The following FRMD4A variants were observed in gnomAD, a reference collection of about 807,000 sequenced individuals.
FRMD4A encodes FERM domain containing 4A.
In FRMD4A, 29 loss-of-function variants were observed where a neutral mutation model predicts 129.1. The observed-to-expected ratio is 0.22, with a 90% confidence interval of 0.17 to 0.31. The LOEUF (loss-of-function observed/expected upper bound fraction) is 0.31. Among genes scored for constraint, FRMD4A ranks in the 10% least tolerant of loss-of-function variants. FRMD4A has a pLI of 1.00. For missense variants in FRMD4A, 1,272 were observed against 1,375.8 expected, an observed-to-expected ratio of 0.92 and a Z score of 1.19; for synonymous variants, 634 against 571.6, an observed-to-expected ratio of 1.11 and a Z score of -1.56.
intron 2 of FRMD4A, among the ~76,000 whole-genome samples, chr10:14,140,796 C>T (rs568616109): frequency 6.6e-6 from 1 of 152,258 alleles, no homozygotes; most frequent in South Asian, 2.1e-4. Context: ...CTTTGCTCCA[C>T]TCAACATTTT....
At chr10:14,060,935 A>G (rs1057149844) in intron 2 of FRMD4A, among the ~76,000 whole-genome samples, 2 of 152,196 alleles carry the variant, frequency 1.3e-5, no homozygotes, top group African/African-American at 4.8e-5. Context: ...AGACTGACTC[A>G]CTAGTGGAAA....
chr10:14,131,988 CA>C (rs1174094405), intron 2 of FRMD4A, among the ~76,000 whole-genome samples: 1 of 152,120 alleles, frequency 6.6e-6, no homozygotes, highest in Non-Finnish European at 1.5e-5. Flanking sequence ...TATCCCTGAC[CA>C]AAAGGCATAA....
intron 2 of FRMD4A, among the ~76,000 whole-genome samples, chr10:14,107,426 C>G (rs775654671): frequency 1.3e-5 from 2 of 151,992 alleles, no homozygotes; most frequent in African/African-American, 4.8e-5. Flanking sequence ...TGCCATCAAC[C>G]GATGTATATT....
At chr10:14,220,655 C>A (rs574662383) in intron 2 of FRMD4A, among the ~76,000 whole-genome samples, 10 of 152,268 alleles carry the variant, frequency 6.6e-5, no homozygotes, top group African/African-American at 2.4e-4. Context: ...AATTCGCTGA[C>A]CTCAGTGCAG....
intron 2 of FRMD4A, among the ~76,000 whole-genome samples, chr10:14,096,472 C>T (rs916185440): frequency 2.3e-4 from 35 of 152,224 alleles, no homozygotes; most frequent in African/African-American, 8.2e-4. Context: ...CTCAAAATCC[C>T]ACTCGATGTA....
At chr10:13,866,726 G>A (rs1376253690) in intron 2 of FRMD4A, among the ~76,000 whole-genome samples, 2 of 152,138 alleles carry the variant, frequency 1.3e-5, no homozygotes, top group African/African-American at 4.8e-5. Flanking sequence ...TTGGGAGGCC[G>A]AGGTGGGCAG....
intron 2 of FRMD4A, among the ~76,000 whole-genome samples, chr10:13,993,853 A>T (rs55673172): frequency 0.062 from 8,717 of 141,582 alleles, 316 homozygotes; most frequent in African/African-American, 0.12. Flanking sequence ...TTTTTTTTTT[A>T]AAAAAATATA....
chr10:14,292,207 T>C (rs1327740447), intron 2 of FRMD4A, among the ~76,000 whole-genome samples: 3 of 152,170 alleles, frequency 2.0e-5, no homozygotes, highest in South Asian at 4.1e-4. Flanking sequence ...TACGGAAACA[T>C]AACTTGGAAG....
At chr10:14,084,096 C>T (rs1170537864) in intron 2 of FRMD4A, among the ~76,000 whole-genome samples, 1 of 152,222 alleles carries the variant, frequency 6.6e-6, no homozygotes, top group Non-Finnish European at 1.5e-5. Flanking sequence ...ACAGCCCTGA[C>T]TGCTGCTTGT....
At chr10:13,756,487 A>C (rs1284200400) in intron 8 of FRMD4A, among the ~76,000 whole-genome samples, 1 of 152,022 alleles carries the variant, frequency 6.6e-6, no homozygotes, top group Non-Finnish European at 1.5e-5. Flanking sequence ...TCAGCCTCCC[A>C]AGTAGCTGGG....
chr10:13,687,601 G>A (rs1158201590), intron 15 of FRMD4A, among the ~76,000 whole-genome samples: 1 of 152,124 alleles, frequency 6.6e-6, no homozygotes, highest in African/African-American at 2.4e-5. Context: ...TTAACCAGAT[G>A]GTTTGAATTC....
At chr10:14,184,474 TTTCTA>T (rs938989013) in intron 2 of FRMD4A, among the ~76,000 whole-genome samples, 1 of 132,552 alleles carries the variant, frequency 7.5e-6, no homozygotes, top group Admixed American at 7.4e-5. Flanking sequence ...CTTAGCCAAC[TTTCTA>T]TTCTATTATG....
chr10:13,726,160 G>A (rs1408537121), intron 12 of FRMD4A, among the ~76,000 whole-genome samples: 1 of 152,176 alleles, frequency 6.6e-6, no homozygotes, highest in Non-Finnish European at 1.5e-5. Context: ...CGTGGCTCCA[G>A]CTACTAGGGA....
intron 2 of FRMD4A, chr10:13,891,765 C>T (rs1191913048): frequency 3.1e-6 from 3 of 981,698 alleles, no homozygotes; most frequent in Non-Finnish European, 3.6e-6. Context: ...CGAGCCCCCG[C>T]CCCGTCCCCG....
At chr10:13,687,621 C>T (rs2085218030) in intron 15 of FRMD4A, among the ~76,000 whole-genome samples, 2 of 152,264 alleles carry the variant, frequency 1.3e-5, no homozygotes, top group East Asian at 1.9e-4. Context: ...CATAGTTGTT[C>T]TCTCAAACTG....
At chr10:14,085,807 C>G (rs980568388) in intron 2 of FRMD4A, among the ~76,000 whole-genome samples, 18 of 152,206 alleles carry the variant, frequency 1.2e-4, no homozygotes, top group African/African-American at 4.3e-4. Flanking sequence ...TTGGAGGGAT[C>G]TGCATTACTG....
In FRMD4A at chr10:13,729,723, C is replaced by T. The variant is rs550384604; in HGVS notation, c.759+8121G>A. Among the ~76,000 whole-genome samples, 8 of 152,270 alleles carry T rather than the reference C, an allele frequency of 5.3e-5. No individual in the cohort carries two copies. In the South Asian group the frequency reaches 1.7e-3, roughly 32 times the overall value. On this transcript the variant is annotated intron_variant, in intron 12 of 24. Transcript: ENST00000357447. ...CCTTCTCCTAATGCCTCAGAGGGGA[C>T]CCCATAGTGCTCCTAATTGTGCATC...
rs774747493 is a variant in FRMD4A, at chr10:13,675,053, A to T, written c.1118-9T>A. The stretch of plus-strand genomic sequence containing the variant: ...ATCTGATTCCTGAGAACCTGTCGAT[A>T]AACAGTGGGGTTACTTGGCCAGCTG... On this transcript the variant is annotated splice_polypyrimidine_tract_variant and intron_variant, in intron 15 of 24. Transcript: ENST00000357447. The T allele has an allele frequency of 6.2e-7, 1 of 1,611,188 alleles. No homozygotes were observed. The highest frequency in any genetic ancestry group is 1.1e-5 in the South Asian group (1 of 91,072).
intron 2 of FRMD4A, among the ~76,000 whole-genome samples, chr10:13,953,841 C>G (rs1200688355): frequency 6.6e-6 from 1 of 152,170 alleles, no homozygotes; most frequent in African/African-American, 2.4e-5. Context: ...CCCACTGAGG[C>G]TCTTGGAAGG....
Sources: allele counts gnomAD v4.1 joint callset (sites outside exome capture counted in the v4.1 genomes callset), GRCh38; gene constraint gnomAD v4.1.1; transcripts MANE v1.5; gene names NCBI Gene and HGNC (gene_info 2026-07-23, HGNC 2026-07-21).